WWOX: variants seen among roughly 807,000 people sequenced by gnomAD.
WWOX encodes the protein WW domain-containing oxidoreductase.
A neutral mutation model predicts 46.2 loss-of-function variants in WWOX; 69 were observed. The ratio of observed to expected loss-of-function variants is 1.49; its 90% CI spans 1.23 to 1.82. The LOEUF (loss-of-function observed/expected upper bound fraction) is 1.82. Among genes scored for constraint, WWOX ranks in the 40% most tolerant of loss-of-function variants. The pLI, the probability that WWOX is intolerant of heterozygous loss-of-function variation, is 0.00. For synonymous variants in WWOX, 359 were observed against 202.6 expected (o/e 1.77, Z -6.56); for missense variants, 919 against 542.6 (o/e 1.69, Z -6.89).
At chr16:78,300,333 C>T (rs1381571007) in intron 5 of WWOX, among the ~76,000 whole-genome samples, 2 of 152,100 alleles carry the variant, frequency 1.3e-5, no homozygotes, top group African/African-American at 4.8e-5. Flanking sequence ...AGAAGAGTGA[C>T]CCTCGGAAAG....
chr16:78,632,220 T>A (rs1266672969), intron 8 of WWOX, among the ~76,000 whole-genome samples: 1 of 152,176 alleles, frequency 6.6e-6, no homozygotes, highest in African/African-American at 2.4e-5. Flanking sequence ...GCTGTTTTTA[T>A]ATCTGTACAA....
At chr16:78,367,835 C>T (rs2081575656) in intron 5 of WWOX, among the ~76,000 whole-genome samples, 1 of 152,034 alleles carries the variant, frequency 6.6e-6, no homozygotes, top group African/African-American at 2.4e-5. Context: ...CAGCTCACTG[C>T]AACCTCTGCC....
intron 8 of WWOX, among the ~76,000 whole-genome samples, chr16:78,844,778 A>G (rs2052254185): frequency 6.6e-6 from 1 of 152,144 alleles, no homozygotes; most frequent in African/African-American, 2.4e-5. Flanking sequence ...AGTCTTGTAT[A>G]TTTATGTATC....
At chr16:78,692,480 C>T (rs377052055) in intron 8 of WWOX, among the ~76,000 whole-genome samples, 25 of 152,288 alleles carry the variant, frequency 1.6e-4, no homozygotes, top group African/African-American at 5.8e-4. Flanking sequence ...TGGCTCACAC[C>T]TGGCTGACAT....
intron 8 of WWOX, among the ~76,000 whole-genome samples, chr16:79,130,252 A>G (rs1275502870): frequency 6.6e-6 from 1 of 152,228 alleles, no homozygotes. Context: ...AGAGGGGACA[A>G]AATAATTTCT....
intron 8 of WWOX, among the ~76,000 whole-genome samples, chr16:79,172,343 G>C (rs773388290): frequency 6.6e-6 from 1 of 152,170 alleles, no homozygotes; most frequent in Non-Finnish European, 1.5e-5. Context: ...TTCAGATTTG[G>C]TCAAAGATCC....
intron 5 of WWOX, among the ~76,000 whole-genome samples, chr16:78,222,183 A>G (rs1182585418): frequency 6.6e-6 from 1 of 152,104 alleles, no homozygotes; most frequent in African/African-American, 2.4e-5. Context: ...CCGCTGGAAA[A>G]GAAGCCAACT....
At chr16:78,478,815 T>G (rs1386871676) in intron 8 of WWOX, among the ~76,000 whole-genome samples, 1 of 152,072 alleles carries the variant, frequency 6.6e-6, no homozygotes, top group African/African-American at 2.4e-5. Context: ...TTAAATTTAT[T>G]TTTTATTTAT....
intron 8 of WWOX, among the ~76,000 whole-genome samples, chr16:78,906,427 C>T (rs1476808951): frequency 1.3e-5 from 2 of 152,286 alleles, no homozygotes; most frequent in African/African-American, 4.8e-5. Context: ...CAACCCTCCC[C>T]CAAGCTAAAA....
intron 5 of WWOX, among the ~76,000 whole-genome samples, chr16:78,328,225 C>T (rs187725344): frequency 6.6e-6 from 1 of 152,160 alleles, no homozygotes; most frequent in East Asian, 1.9e-4. Context: ...AATTCCCGAA[C>T]CTTCAAAAAA....
intron 8 of WWOX, among the ~76,000 whole-genome samples, chr16:78,869,871 C>G (rs1215524919): frequency 2.0e-5 from 3 of 152,168 alleles, no homozygotes. Flanking sequence ...CTCATGGGCT[C>G]TTTTTTCCCA....
rs1567625134 is a variant in WWOX, at chr16:79,211,699, T to C, written c.1148T>C (p.Met383Thr). The change falls in exon 9 of 9, where the codon ATG becomes ACG. Residue 383 changes from methionine to threonine, a missense_variant. By Grantham distance (81) the Met-to-Thr change is moderately conservative. Coordinates refer to ENST00000566780, the MANE Select transcript of WWOX (RefSeq NM_016373.4). The part of the protein sequence containing the change: ...GMYFNNCCRC[M>T]PSPEAQSEET... ...TACTTCAACAACTGCTGCCGCTGCA[T>C]GCCCTCACCAGAAGCTCAGAGCGAA... 3.1e-6 allele frequency: 5 copies of C among 1,614,240 alleles called. No individual in the cohort carries two copies. The highest frequency in any genetic ancestry group is 3.3e-5 in the Admixed American group (2 of 60,030).
intron 8 of WWOX, among the ~76,000 whole-genome samples, chr16:78,963,004 A>T (rs183438222): frequency 4.6e-5 from 7 of 152,142 alleles, no homozygotes; most frequent in Non-Finnish European, 1.0e-4. Flanking sequence ...CCATCCTACC[A>T]ACAGTTTGTA....
chr16:78,726,068 C>T (rs141502716), intron 8 of WWOX, among the ~76,000 whole-genome samples: 138 of 104,840 alleles, frequency 1.3e-3, no homozygotes, highest in African/African-American at 4.3e-3. Flanking sequence ...CTCCCTGCTT[C>T]CCTTCCCTCC....
intron 5 of WWOX, among the ~76,000 whole-genome samples, chr16:78,259,292 A>G (rs1455867218): frequency 6.6e-6 from 1 of 152,196 alleles, no homozygotes; most frequent in Non-Finnish European, 1.5e-5. Flanking sequence ...CAGAGAAGAC[A>G]CAATTTAGAA....
intron 8 of WWOX, among the ~76,000 whole-genome samples, chr16:79,083,479 G>C (rs190009732): frequency 5.3e-5 from 8 of 152,114 alleles, no homozygotes; most frequent in African/African-American, 1.9e-4. Context: ...TGGAGGTATC[G>C]GCTGTTGCAG....
At chr16:78,965,242 T>C (rs1222859709) in intron 8 of WWOX, among the ~76,000 whole-genome samples, 1 of 152,178 alleles carries the variant, frequency 6.6e-6, no homozygotes, top group Non-Finnish European at 1.5e-5. Context: ...TCCACAGAGA[T>C]AGTATTGATG....
chr16:78,445,658 C>T (rs1414340238), intron 8 of WWOX, among the ~76,000 whole-genome samples: 1 of 152,190 alleles, frequency 6.6e-6, no homozygotes, highest in African/African-American at 2.4e-5. Context: ...GGCTGGATCA[C>T]TTGAGGCCGG....
Position 78,845,492 on chromosome 16 carries a change from C to G in WWOX, c.1057-366116C>G, listed in dbSNP as rs568619675. Among the ~76,000 whole-genome samples the G allele has an allele frequency of 1.8e-4, 27 of 152,286 alleles. No homozygotes were observed. In the South Asian group the frequency reaches 5.2e-3, roughly 29 times the overall value. ...AAGTATGCTCATGGATTCTCTTTTACAGGCTTAGCATAATATTTTATAAAA... is the reference window on the plus strand; with the variant it reads ...AAGTATGCTCATGGATTCTCTTTTAGAGGCTTAGCATAATATTTTATAAAA... On this transcript the variant is annotated intron_variant, in intron 8 of 8. Transcript: ENST00000566780.
Sources: gnomAD v4.1 joint callset for allele counts (sites outside exome capture counted in the v4.1 genomes callset) on GRCh38, gnomAD v4.1.1 for gene constraint, MANE v1.5 for transcripts, NCBI Gene and HGNC (gene_info 2026-07-23, HGNC 2026-07-21) for gene names.